Variants in LY75 observed in about 807,000 individuals in gnomAD.
LY75 encodes the protein C-type lectin domain family 13 member B.
Under a neutral mutation model 231.7 loss-of-function variants are expected in LY75, and 185 were observed. The ratio of observed to expected loss-of-function variants is 0.80; its 90% CI spans 0.71 to 0.90. LY75 has a LOEUF of 0.90. LY75 is among the 40% of genes least tolerant of loss of function. The pLI, the probability that LY75 is intolerant of heterozygous loss-of-function variation, is 0.00. For synonymous variants in LY75, 668 were observed against 689.0 expected (o/e 0.97, Z 0.48); for missense variants, 1,947 against 2,050.2 (o/e 0.95, Z 0.97).
At chr2:159,814,999 T>C (rs1683073082) in intron 31 of LY75, among the ~76,000 whole-genome samples, 1 of 33,432 alleles carries the variant, frequency 3.0e-5, no homozygotes, top group African/African-American at 6.5e-5. Flanking sequence ...GAATACATCT[T>C]TTTTTTTTTT....
chr2:159,850,619 C>A, intron 21 of LY75, 152 bp from the exon 22 acceptor site: 1 of 955,490 alleles, frequency 1.0e-6, no homozygotes. Flanking sequence ...CAAGTTTATG[C>A]TCTCATTAAT....
intron 30 of LY75, 142 bp from the exon 31 acceptor site, chr2:159,815,715 T>A: frequency 8.0e-6 from 8 of 999,498 alleles, no homozygotes; most frequent in South Asian, 1.8e-5. Flanking sequence ...AACCTACTAT[T>A]ATTGTAGGTC....
intron 8 of LY75, among the ~76,000 whole-genome samples, chr2:159,880,052 C>T (rs561677363): frequency 2.6e-5 from 4 of 152,306 alleles, no homozygotes; most frequent in East Asian, 1.9e-4. Flanking sequence ...CTTCTAAAGA[C>T]ATGTTGGATG....
chr2:159,824,196 T>C (rs567662928), intron 28 of LY75, among the ~76,000 whole-genome samples: 1 of 152,150 alleles, frequency 6.6e-6, no homozygotes, highest in African/African-American at 2.4e-5. Context: ...GCTGTTCAGA[T>C]GAGATGGGTT....
chr2:159,826,392 CT>C (rs1683468729), intron 28 of LY75, among the ~76,000 whole-genome samples: 3 of 152,010 alleles, frequency 2.0e-5, no homozygotes, highest in Non-Finnish European at 4.4e-5. Context: ...AGGAATACAA[CT>C]TACCTGGGAT....
At chr2:159,872,665 C>T in intron 12 of LY75, 72 bp from the exon 13 acceptor site, 1 of 1,530,974 alleles carries the variant, frequency 6.5e-7, no homozygotes. Context: ...AAGTCAATTA[C>T]TGTCACATGT....
At chr2:159,890,953 G>T (rs1181116909) in intron 3 of LY75, among the ~76,000 whole-genome samples, 1 of 152,110 alleles carries the variant, frequency 6.6e-6, no homozygotes. Context: ...GTGTATATAT[G>T]TGCATAGAAA....
intron 12 of LY75, 67 bp from the exon 13 acceptor site, chr2:159,872,660 A>G: frequency 6.5e-7 from 1 of 1,547,360 alleles, no homozygotes; most frequent in Non-Finnish European, 8.8e-7. Context: ...TGCTAAAGTC[A>G]ATTACTGTCA....
At chr2:159,837,415 C>T (rs1683865702) in intron 25 of LY75, among the ~76,000 whole-genome samples, 2 of 152,184 alleles carry the variant, frequency 1.3e-5, no homozygotes, top group Admixed American at 1.3e-4. Flanking sequence ...CACATGTTCT[C>T]ACTTATATAA....
chr2:159,894,594 T>G (rs1685856554), intron 2 of LY75, among the ~76,000 whole-genome samples: 1 of 152,170 alleles, frequency 6.6e-6, no homozygotes, highest in Non-Finnish European at 1.5e-5. Context: ...GGACAAATAG[T>G]CCCATTGTTC....
intron 12 of LY75, among the ~76,000 whole-genome samples, chr2:159,874,173 A>T (rs1373809813): frequency 5.8e-3 from 76 of 13,158 alleles, no homozygotes; most frequent in Admixed American, 0.023. Flanking sequence ...ACGTATATAT[A>T]TTGTAAATAT....
intron 14 of LY75, among the ~76,000 whole-genome samples, chr2:159,862,584 G>C (rs1394880012): frequency 1.3e-5 from 2 of 152,096 alleles, no homozygotes; most frequent in South Asian, 2.1e-4. Flanking sequence ...CTTGTAACTT[G>C]TCTTTTCCTT....
At chr2:159,853,768 G>T in intron 18 of LY75, 71 bp from the exon 19 acceptor site, 2 of 1,593,930 alleles carry the variant, frequency 1.3e-6, no homozygotes, top group Non-Finnish European at 1.7e-6. Flanking sequence ...CGAATACATT[G>T]TCTTACTATA....
rs1441774526 is a variant in LY75 at position 159,804,827 on chromosome 2, C to T, written c.*217G>A. On this transcript the variant is annotated 3_prime_UTR_variant, in exon 35 of 35. Transcript: ENST00000263636. Reference sequence around the variant, plus strand: ...TGTACAAACAATTTGGACTTCAGTTCCAGCTTTGGAGTCCCCTCCATTCTA... The same window carrying T: ...TGTACAAACAATTTGGACTTCAGTTTCAGCTTTGGAGTCCCCTCCATTCTA... 2.6e-6 allele frequency: 1 copy of T among 383,464 alleles called. No individual in the cohort carries two copies. The highest frequency in any genetic ancestry group is 4.8e-6 in the Non-Finnish European group (1 of 208,432). 23.8% of individuals were successfully genotyped at this position (383,464 alleles called of 1,614,324 possible).
chr2:159,889,934 C>T (rs1019875716), intron 4 of LY75, among the ~76,000 whole-genome samples: 1 of 152,224 alleles, frequency 6.6e-6, no homozygotes, highest in Non-Finnish European at 1.5e-5. Context: ...TTTTGAAAAT[C>T]CTTTCATTTA....
chr2:159,826,951 A>T (rs1297477600), intron 28 of LY75, among the ~76,000 whole-genome samples: 1 of 152,234 alleles, frequency 6.6e-6, no homozygotes, highest in Middle Eastern at 3.2e-3. Context: ...CTTATACAAA[A>T]ATAAACTCAA....
In LY75 at chr2:159,855,523, G is replaced by A. The variant is rs547039841; in HGVS notation, c.2384-584C>T. Among the ~76,000 whole-genome samples the A allele has an allele frequency of 3.9e-5, 6 of 152,308 alleles. No individual in the cohort carries two copies. The South Asian group carries it at 1.0e-3, about 26-fold the overall frequency. ...TGACTCAGGATTCCCAGATGGAAAC[G>A]GAGTAAATAATGGCATGCTACACAG... On this transcript the variant is annotated intron_variant, in intron 16 of 34. Transcript: ENST00000263636.
chr2:159,821,821 T>C (rs1683302219), intron 28 of LY75, among the ~76,000 whole-genome samples: 1 of 152,180 alleles, frequency 6.6e-6, no homozygotes, highest in Non-Finnish European at 1.5e-5. Context: ...GATTTCTGCA[T>C]TTCCAACTGA....
At chr2:159,838,005 C>T (rs1683884198) in intron 25 of LY75, among the ~76,000 whole-genome samples, 1 of 152,176 alleles carries the variant, frequency 6.6e-6, no homozygotes, top group South Asian at 2.1e-4. Context: ...TGACCCACTG[C>T]ATGGCCACAC....
Sources: allele counts gnomAD v4.1 joint callset (sites outside exome capture counted in the v4.1 genomes callset), GRCh38; gene constraint gnomAD v4.1.1; transcripts MANE v1.5; gene names NCBI Gene and HGNC (gene_info 2026-07-23, HGNC 2026-07-21).